GHR: variants seen among roughly 807,000 people sequenced by gnomAD.
The protein encoded by GHR is growth hormone receptor, also known as GH receptor.
A neutral mutation model predicts 67.1 loss-of-function variants in GHR; 35 were observed. The ratio of observed to expected loss-of-function variants is 0.52; its 90% CI spans 0.40 to 0.69. GHR has a LOEUF of 0.69. Ranked by LOEUF, GHR falls within the 30% of genes least tolerant of loss-of-function variation. The pLI, the probability that GHR is intolerant of heterozygous loss-of-function variation, is 0.00. For missense variants in GHR, 792 were observed against 764.6 expected (o/e 1.04, Z -0.42); for synonymous variants, 272 against 269.1 (o/e 1.01, Z -0.10).
chr5:42,562,028 A>C (rs1749634823), intron 1 of GHR, among the ~76,000 whole-genome samples: 1 of 152,062 alleles, frequency 6.6e-6, no homozygotes, highest in Non-Finnish European at 1.5e-5. Context: ...GAATAGAGGG[A>C]CTTTCTTATT....
chr5:42,550,081 A>G (rs1014986061), intron 1 of GHR: 2 of 976,360 alleles, frequency 2.0e-6, no homozygotes, highest in Non-Finnish European at 2.4e-6. Context: ...CCTGATGATC[A>G]ATGATATTAG....
At chr5:42,468,677 C>T in intron 1 of GHR, 2 of 1,000,392 alleles carry the variant, frequency 2.0e-6, no homozygotes, top group Non-Finnish European at 3.2e-6. Flanking sequence ...ATTTGCCTGC[C>T]GCCTTGGAGT....
chr5:42,504,225 A>G (rs1228552824), intron 1 of GHR, among the ~76,000 whole-genome samples: 1 of 152,200 alleles, frequency 6.6e-6, no homozygotes, highest in East Asian at 1.9e-4. Context: ...GGGAAGTGAT[A>G]TGACCACATT....
intron 1 of GHR, among the ~76,000 whole-genome samples, chr5:42,480,472 A>T (rs1216325766): frequency 6.6e-6 from 1 of 152,092 alleles, no homozygotes; most frequent in Non-Finnish European, 1.5e-5. Flanking sequence ...GATCTGTCTA[A>T]TGTTGACATT....
At chr5:42,651,516 T>G (rs1410464411) in intron 3 of GHR, among the ~76,000 whole-genome samples, 1 of 152,170 alleles carries the variant, frequency 6.6e-6, no homozygotes, top group Admixed American at 6.5e-5. Context: ...CATACCATAG[T>G]ATACTGGAAC....
At chr5:42,700,965 A>G (rs1757901339) in intron 6 of GHR, among the ~76,000 whole-genome samples, 1 of 152,200 alleles carries the variant, frequency 6.6e-6, no homozygotes, top group Admixed American at 6.5e-5. Flanking sequence ...TGCTAAGTCA[A>G]ACAAGACTGT....
chr5:42,711,959 A>C (rs1758481501), intron 7 of GHR, among the ~76,000 whole-genome samples: 1 of 152,170 alleles, frequency 6.6e-6, no homozygotes, highest in African/African-American at 2.4e-5. Flanking sequence ...GGAGAATCAC[A>C]ACAATGATTA....
At chr5:42,655,310 A>C (rs1217149547) in intron 3 of GHR, among the ~76,000 whole-genome samples, 2 of 152,256 alleles carry the variant, frequency 1.3e-5, no homozygotes, top group South Asian at 2.1e-4. Context: ...GGATGAGGGC[A>C]CTTGGAGAGC....
chr5:42,614,559 A>ATTTTTTTTTTTTTTTTT (rs553365880), intron 2 of GHR, among the ~76,000 whole-genome samples: 4 of 65,380 alleles, frequency 6.1e-5, no homozygotes, highest in African/African-American at 1.3e-4. Flanking sequence ...CATAGAGGAC[A>ATTTTTTTTTTTTTTTTT]TTTTTTTTTT....
intron 1 of GHR, among the ~76,000 whole-genome samples, chr5:42,563,899 T>A (rs2112468939): frequency 6.6e-6 from 1 of 152,268 alleles, no homozygotes; most frequent in African/African-American, 2.4e-5. Context: ...TTTAATATAT[T>A]TCTGCTGGAG....
chr5:42,446,234 C>T (rs564213376), intron 1 of GHR, among the ~76,000 whole-genome samples: 8 of 152,256 alleles, frequency 5.3e-5, no homozygotes, highest in Non-Finnish European at 7.4e-5. Context: ...AGCAAAGACT[C>T]GCTACAGTGG....
chr5:42,593,301 T>C (rs1185693903), intron 2 of GHR, among the ~76,000 whole-genome samples: 3 of 152,230 alleles, frequency 2.0e-5, no homozygotes, highest in Non-Finnish European at 2.9e-5. Context: ...AATGAGTAGA[T>C]TTGTTTTTGT....
At chr5:42,556,432 A>G (rs1370384077) in intron 1 of GHR, among the ~76,000 whole-genome samples, 2 of 152,310 alleles carry the variant, frequency 1.3e-5, no homozygotes, top group Non-Finnish European at 1.5e-5. Flanking sequence ...AAATTCCAAC[A>G]TCTTTAAATT....
At chr5:42,502,076 C>T (rs750987041) in intron 1 of GHR, among the ~76,000 whole-genome samples, 8 of 152,078 alleles carry the variant, frequency 5.3e-5, no homozygotes, top group East Asian at 3.9e-4. Context: ...ATAAAAACTC[C>T]GTGGGTGGGA....
rs528930493 is a variant in GHR at position 42,640,152 on chromosome 5, G to T, written c.136+11049G>T. Among the ~76,000 whole-genome samples the T allele has an allele frequency of 1.5e-3, 231 of 152,234 alleles. 2 individuals carry two copies. The highest frequency in any genetic ancestry group is 5.2e-3 in the African/African-American group (217 of 41,528). On this transcript the variant is annotated intron_variant, in intron 3 of 9. Transcript: ENST00000230882. ...AACAAGAAGGTCCTGCAAAAGTCTTGTGGGTATTTATTCTTATCAGTGGTT... is the reference window on the plus strand; with the variant it reads ...AACAAGAAGGTCCTGCAAAAGTCTTTTGGGTATTTATTCTTATCAGTGGTT...
chr5:42,574,501 GAAGT>G lies in GHR; in HGVS notation c.70+8562_70+8565del, dbSNP rs376435083. 1.1e-4 allele frequency among the ~76,000 whole-genome samples: 17 copies of G among 152,294 alleles called. No individual in the cohort carries two copies. The East Asian group carries it at 2.9e-3, about 26-fold the overall frequency. On this transcript the variant is annotated intron_variant, in intron 2 of 9. Transcript: ENST00000230882. ...AGAGGCTCTTAATGAGAAATAGAAG[GAAGT>G]AAGTTAACTTCTGTGCATACCTTGG...
At chr5:42,675,691 G>A (rs1379997234) in intron 3 of GHR, among the ~76,000 whole-genome samples, 1 of 152,136 alleles carries the variant, frequency 6.6e-6, no homozygotes, top group Non-Finnish European at 1.5e-5. Context: ...ACAACAAAAA[G>A]AAAGTTTGGT....
chr5:42,595,510 A>G (rs1342827445), intron 2 of GHR, among the ~76,000 whole-genome samples: 1 of 152,178 alleles, frequency 6.6e-6, no homozygotes, highest in East Asian at 1.9e-4. Flanking sequence ...CCCTGGCATT[A>G]TCTTATTTCT....
chr5:42,684,769 C>T (rs919469839), intron 3 of GHR, among the ~76,000 whole-genome samples: 3 of 151,984 alleles, frequency 2.0e-5, no homozygotes, highest in African/African-American at 4.8e-5. Flanking sequence ...ACAATATGAC[C>T]GTGGAATTTG....
Sources: allele counts gnomAD v4.1 joint callset (sites outside exome capture counted in the v4.1 genomes callset), GRCh38; gene constraint gnomAD v4.1.1; transcripts MANE v1.5; gene names NCBI Gene and HGNC (gene_info 2026-07-23, HGNC 2026-07-21).